EVC: variants seen among roughly 807,000 people sequenced by gnomAD.
The protein encoded by EVC is evC complex member EVC.
Under a neutral mutation model 118.9 loss-of-function variants are expected in EVC, and 116 were observed. The observed-to-expected ratio is 0.98, with a 90% CI of 0.84 to 1.14. The LOEUF is 1.14. Ranked by LOEUF, EVC falls within the 50% of genes most tolerant of loss-of-function variation. The pLI is 0.00. For missense variants in EVC, 1,401 were observed against 1,246.4 expected (o/e 1.12, Z -1.87); for synonymous variants, 619 against 534.7 (o/e 1.16, Z -2.18).
At chr4:5,770,672 A>G (rs541170701) in intron 11 of EVC, among the ~76,000 whole-genome samples, 10 of 152,284 alleles carry the variant, frequency 6.6e-5, no homozygotes, top group African/African-American at 2.4e-4. Flanking sequence ...ACTCTAGACA[A>G]TCAGTCAATA....
intron 11 of EVC, among the ~76,000 whole-genome samples, chr4:5,782,277 G>C (rs1577557378): frequency 6.6e-6 from 1 of 151,340 alleles, no homozygotes; most frequent in Non-Finnish European, 1.5e-5. Context: ...GTTTCACCGT[G>C]TTGGCCAGGC....
chr4:5,757,888 C>G (rs895959838), intron 11 of EVC, among the ~76,000 whole-genome samples: 6 of 148,040 alleles, frequency 4.1e-5, no homozygotes, highest in Admixed American at 2.7e-4. Flanking sequence ...AGGGCTTCAA[C>G]CTAAGAATTT....
At chr4:5,797,480 C>G in intron 14 of EVC, 1 of 581,614 alleles carries the variant, frequency 1.7e-6, no homozygotes, top group Non-Finnish European at 3.1e-6. Flanking sequence ...CGCTTTGATT[C>G]TGAGACCGCA....
intron 2 of EVC, among the ~76,000 whole-genome samples, chr4:5,727,727 T>C (rs1224360287): frequency 6.6e-6 from 1 of 152,004 alleles, no homozygotes; most frequent in East Asian, 1.9e-4. Flanking sequence ...AAGTCTTTAA[T>C]CCTTTTTGAA....
intron 11 of EVC, among the ~76,000 whole-genome samples, chr4:5,778,857 T>G (rs1329170945): frequency 2.6e-5 from 4 of 152,156 alleles, no homozygotes; most frequent in African/African-American, 7.2e-5. Context: ...AGATCCCATT[T>G]GTGAATTTTG....
intron 11 of EVC, among the ~76,000 whole-genome samples, chr4:5,770,138 C>G (rs1733717251): frequency 1.3e-5 from 2 of 152,188 alleles, no homozygotes; most frequent in African/African-American, 4.8e-5. Flanking sequence ...TCCCCCTGGC[C>G]ACAATATGTG....
the EVC span, chr4:5,821,871 G>A: frequency 3.9e-6 from 6 of 1,531,710 alleles, no homozygotes; most frequent in African/African-American, 7.0e-5. This position sits in a 1 kb window ranked among gnomAD's most constrained non-coding sequence, Gnocchi z 4.4. Context: ...AGCGCCAATC[G>A]CTGCTGGATG....
chr4:5,794,638 T>C (rs936793337), intron 13 of EVC, among the ~76,000 whole-genome samples: 2 of 151,918 alleles, frequency 1.3e-5, no homozygotes, highest in Non-Finnish European at 2.9e-5. Flanking sequence ...CTCAAACTCC[T>C]AACCTCAAAT....
Position 5,798,871 on chromosome 4 carries a change from G to C in EVC, c.2304+79G>C. 6.9e-7 allele frequency: 1 copy of C among 1,445,774 alleles called. No homozygotes were observed. Among genetic ancestry groups the C allele is most frequent in the Admixed American group, 1.9e-5 (1 of 51,868 alleles). The allele number at this position is 1,445,774 out of a possible 1,614,324, so 89.6% of individuals were successfully genotyped here. On this transcript the variant is annotated intron_variant, in intron 15 of 20. Coordinates refer to ENST00000264956, the MANE Select transcript of EVC (RefSeq NM_153717.3). This position sits in a 1 kb window ranked among gnomAD's most constrained non-coding sequence, Gnocchi z 4.1. ...GGGTCCATGCCTGGGTCTGCTCCTT[G>C]CCACACCGTTCATGGAGCTTGTGGC...
intron 11 of EVC, among the ~76,000 whole-genome samples, chr4:5,761,757 T>A (rs1449040423): frequency 6.6e-6 from 1 of 151,790 alleles, no homozygotes; most frequent in East Asian, 1.9e-4. Context: ...AGCCTTATGG[T>A]GGTTGGCTAG....
Position 5,793,677 on chromosome 4 carries a change from ATCCGCGGCG to A in EVC, c.1849_1857del (p.Arg617_Val619del). 6.4e-7 allele frequency: 1 copy of A among 1,552,326 alleles called. No individual in the cohort carries two copies. On this transcript the variant is annotated inframe_deletion, in exon 13 of 21. Coordinates refer to ENST00000264956, the MANE Select transcript of EVC (RefSeq NM_153717.3). ...CCTGCGGGAGGACCACGAGGGCACC[ATCCGCGGCG>A]TCTTGGGCCGACTGGGCGGCCTCAC...
At chr4:5,806,275 T>C (rs977811762) in intron 17 of EVC, among the ~76,000 whole-genome samples, 5 of 151,732 alleles carry the variant, frequency 3.3e-5, no homozygotes, top group African/African-American at 1.2e-4. Context: ...AGAGATGGGG[T>C]TTTACCATGT....
chr4:5,806,126 C>T (rs1715869903), intron 17 of EVC, among the ~76,000 whole-genome samples: 6 of 151,580 alleles, frequency 4.0e-5, no homozygotes, highest in Admixed American at 3.9e-4. Context: ...GTTGCCCAGG[C>T]TGGAATGCAG....
At chr4:5,773,020 C>T (rs3856953) in intron 11 of EVC, among the ~76,000 whole-genome samples, 1 of 152,164 alleles carries the variant, frequency 6.6e-6, no homozygotes, top group Admixed American at 6.5e-5. Flanking sequence ...CATGTGTGCA[C>T]TGTCCCCTGT....
At chr4:5,745,873 C>G (rs548142184) in intron 7 of EVC, among the ~76,000 whole-genome samples, 243 of 152,260 alleles carry the variant, frequency 1.6e-3, no homozygotes, top group African/African-American at 5.7e-3. Flanking sequence ...CTGAGAGAGG[C>G]CAGGAGAGAC....
rs753720935 is a variant in EVC, at chr4:5,783,591, G to T, written c.1603G>T (p.Val535Leu). ...FSTVDTFQKFVDALFLQTLPG... is the reference protein window; with the variant it reads ...FSTVDTFQKFLDALFLQTLPG... Reference sequence around the variant, plus strand: ...CACCGTGGACACTTTCCAGAAGTTCGTGGATGCCCTGTTCCTTCAGACGCT... The same window carrying T: ...CACCGTGGACACTTTCCAGAAGTTCTTGGATGCCCTGTTCCTTCAGACGCT... Residue 535 changes from valine to leucine, a missense_variant, in exon 12 of 21, where the codon GTG becomes TTG. Physicochemically the swap from Val to Leu is conservative, Grantham distance 32. Transcript: ENST00000264956. 1.2e-6 allele frequency: 2 copies of T among 1,614,042 alleles called. No individual in the cohort carries two copies. The highest frequency in any genetic ancestry group is 1.7e-6 in the Non-Finnish European group (2 of 1,180,038).
intron 2 of EVC, among the ~76,000 whole-genome samples, chr4:5,723,802 T>C (rs1279545493): frequency 6.6e-6 from 1 of 152,148 alleles, no homozygotes; most frequent in East Asian, 1.9e-4. Flanking sequence ...TTCTTGATCA[T>C]TATTAAATAA....
At chr4:5,777,563 GTAC>G (rs1433334846) in intron 11 of EVC, among the ~76,000 whole-genome samples, 2 of 152,142 alleles carry the variant, frequency 1.3e-5, no homozygotes, top group Non-Finnish European at 2.9e-5. Flanking sequence ...CTTGGCCCAT[GTAC>G]TCATCACAAT....
intron 12 of EVC, 140 bp downstream of exon 12, chr4:5,783,904 A>G (rs566354426): frequency 4.2e-5 from 32 of 769,876 alleles, no homozygotes; most frequent in Non-Finnish European, 6.3e-5. Flanking sequence ...CCCTTTCACA[A>G]TGGCCCACCA....
Sources: gnomAD v4.1 joint callset for allele counts (sites outside exome capture counted in the v4.1 genomes callset) on GRCh38, gnomAD v4.1.1 for gene constraint, Gnocchi (gnomAD v3.1) non-coding constraint, MANE v1.5 for transcripts, NCBI Gene and HGNC (gene_info 2026-07-23, HGNC 2026-07-21) for gene names.